Variants in SLC15A4 observed in about 807,000 individuals in gnomAD.
SLC15A4 encodes the protein hPHT1.
In SLC15A4, 26 loss-of-function variants were observed where a neutral mutation model predicts 46.1. The ratio of observed to expected loss-of-function variants is 0.56; its 90% CI spans 0.41 to 0.78. The LOEUF is 0.78. SLC15A4 is among the 30% of genes least tolerant of loss of function. SLC15A4 has a pLI of 0.00. For missense variants in SLC15A4, 751 were observed against 755.7 expected (o/e 0.99, Z 0.07); for synonymous variants, 370 against 333.4 (o/e 1.11, Z -1.20).
intron 2 of SLC15A4, among the ~76,000 whole-genome samples, chr12:128,811,203 AG>A (rs1379856818): frequency 2.6e-5 from 4 of 152,258 alleles, no homozygotes; most frequent in African/African-American, 9.6e-5. Flanking sequence ...CTCTAAAGCC[AG>A]AAGTACCAGG....
intron 7 of SLC15A4, among the ~76,000 whole-genome samples, chr12:128,796,991 T>A (rs952412604): frequency 6.6e-6 from 1 of 151,594 alleles, no homozygotes; most frequent in Middle Eastern, 3.2e-3. Flanking sequence ...TTACACAGGG[T>A]ATTCGGAAAC....
At chr12:128,819,918 A>T (rs575853156) in intron 1 of SLC15A4, 1 of 152,314 alleles carries the variant, frequency 6.6e-6, no homozygotes, top group African/African-American at 2.4e-5. Context: ...CAGGGCCCCA[A>T]ACCAGCTCCC....
At chr12:128,796,624 C>T (rs773210425) in intron 7 of SLC15A4, among the ~76,000 whole-genome samples, 2 of 152,134 alleles carry the variant, frequency 1.3e-5, no homozygotes, top group Non-Finnish European at 2.9e-5. Flanking sequence ...TTACACTATT[C>T]GTTCAACCCT....
chr12:128,799,049 G>A (rs1042618161), intron 7 of SLC15A4, among the ~76,000 whole-genome samples: 2 of 152,174 alleles, frequency 1.3e-5, no homozygotes, highest in African/African-American at 4.8e-5. Context: ...GATGAGAAGA[G>A]AGGCCTGCTT....
At chr12:128,821,316 C>T (rs1192813348) in intron 1 of SLC15A4, among the ~76,000 whole-genome samples, 1 of 152,200 alleles carries the variant, frequency 6.6e-6, no homozygotes, top group South Asian at 2.1e-4. Flanking sequence ...CACCTCATGT[C>T]CCTAATGTCA....
intron 5 of SLC15A4, among the ~76,000 whole-genome samples, chr12:128,806,030 ATGG>A (rs919000375): frequency 1.2e-4 from 18 of 151,934 alleles, no homozygotes; most frequent in African/African-American, 4.3e-4. Flanking sequence ...TTAGCCGGGC[ATGG>A]TGGTGGGCAC....
Position 128,808,869 on chromosome 12 carries a change from T to C in SLC15A4, c.1177A>G (p.Arg393Gly). 6.2e-7 allele frequency: 1 copy of C among 1,614,124 alleles called. No homozygotes were observed. Among genetic ancestry groups the C allele is most frequent in the Non-Finnish European group, 8.5e-7 (1 of 1,179,984 alleles). ...LKDKLVDPIL[R>G]RHGLLPSSLK... is the part of the protein sequence containing the mutation. ...GAGGATGGGAGCAGGCCATGTCTTCTCAAAATGGGATCGACCAGTTTGTCC... is the reference window on the plus strand; with the variant it reads ...GAGGATGGGAGCAGGCCATGTCTTCCCAAAATGGGATCGACCAGTTTGTCC... The change falls in exon 5 of 8, where the codon AGA (arginine) becomes GGA (glycine). Residue 393 changes from arginine (R) to glycine (G), a missense_variant. Coordinates refer to ENST00000266771, the MANE Select transcript of SLC15A4 (RefSeq NM_145648.4).
intron 7 of SLC15A4, among the ~76,000 whole-genome samples, chr12:128,797,894 G>A (rs1489660487): frequency 6.6e-6 from 1 of 152,198 alleles, no homozygotes. Context: ...CAGCCAGGGG[G>A]CACAGCCTGG....
rs771022935 is a variant in SLC15A4 at position 128,808,778 on chromosome 12, T to C, written c.1258+10A>G. The C allele has an allele frequency of 1.9e-6, 3 of 1,613,696 alleles. No homozygotes were observed. The highest frequency in any genetic ancestry group is 1.3e-5 in the African/African-American group (1 of 74,938). On this transcript the variant is annotated intron_variant, in intron 5 of 7. Transcript: ENST00000266771. ...GGGCCTGAGGAGGAACGGAGCAGAA[T>C]GCCTCTTACCTGCAGCAAAGGCCGA... is the stretch of plus-strand genomic sequence containing the variant.
intron 1 of SLC15A4, chr12:128,815,311 A>AGACTTTTTCCAAGTATGTGGAAAAACTT: frequency 2.4e-6 from 1 of 418,480 alleles, no homozygotes; most frequent in South Asian, 3.2e-5. Context: ...CAAATGCTAG[A>AGACTTTTTCCAAGTATGTGGAAAAACTT]GAGTTTTTCC....
chr12:128,821,645 T>C (rs1198632408), intron 1 of SLC15A4, among the ~76,000 whole-genome samples: 1 of 152,158 alleles, frequency 6.6e-6, no homozygotes, highest in Non-Finnish European at 1.5e-5. Flanking sequence ...CCCAGCACTT[T>C]GGGAGGCCGA....
Position 128,794,308 on chromosome 12 carries a change from G to A in SLC15A4, c.1622C>T (p.Ala541Val), listed in dbSNP as rs773611433. The A allele has an allele frequency of 1.2e-6, 2 of 1,613,418 alleles. No homozygotes were observed. Among genetic ancestry groups the A allele is most frequent in the East Asian group, 4.5e-5 (2 of 44,884 alleles). The change falls in exon 8 of 8, where the codon GCT (alanine) becomes GTT (valine). Residue 541 changes from alanine to valine, a missense_variant. Coordinates refer to ENST00000266771, the MANE Select transcript of SLC15A4 (RefSeq NM_145648.4). ...AAGCAGGAGGGTAGCTCCTTGAATA[G>A]CAGCCAGAAGAAAAAAGTAATAGTT... Reference protein sequence around the residue: ...YLNYYFFLLAAIQGATLLLFL... With the variant: ...YLNYYFFLLAVIQGATLLLFL...
rs181489184 is a variant in SLC15A4 at position 128,797,766 on chromosome 12, C to T, written c.1573+1493G>A. On this transcript the variant is annotated intron_variant, in intron 7 of 7. Coordinates refer to ENST00000266771, the MANE Select transcript of SLC15A4 (RefSeq NM_145648.4). ...TTCAGGGAGAACTCTCTCTGAGGAG[C>T]GGGCTTCCTGTGGATTTCCCATGTC... Among the ~76,000 whole-genome samples, 9 of 152,324 alleles carry T rather than the reference C, an allele frequency of 5.9e-5. No homozygotes were observed. In the East Asian group the frequency reaches 7.7e-4, roughly 13 times the overall value.
At chr12:128,817,443 A>C (rs1037307898) in intron 1 of SLC15A4, among the ~76,000 whole-genome samples, 1 of 152,260 alleles carries the variant, frequency 6.6e-6, no homozygotes, top group Admixed American at 6.5e-5. Context: ...GCCAGTAAAC[A>C]TAGTATATAA....
chr12:128,811,142 C>G (rs1329992134), intron 2 of SLC15A4, among the ~76,000 whole-genome samples: 1 of 152,216 alleles, frequency 6.6e-6, no homozygotes, highest in Non-Finnish European at 1.5e-5. Context: ...TAATGGGGAA[C>G]GGGCTCCAAG....
At chr12:128,796,723 A>G (rs1390372453) in intron 7 of SLC15A4, among the ~76,000 whole-genome samples, 1 of 152,232 alleles carries the variant, frequency 6.6e-6, no homozygotes, top group Non-Finnish European at 1.5e-5. Context: ...CTGCTGTCCC[A>G]ACACTGGCAT....
At chr12:128,799,457 C>A in intron 6 of SLC15A4, 40 bp from the exon 7 acceptor site, 1 of 1,607,870 alleles carries the variant, frequency 6.2e-7, no homozygotes, top group Non-Finnish European at 8.5e-7. Context: ...GTGAAAGGGG[C>A]ACTTTAACAC....
At chr12:128,819,826 G>A (rs1955809939) in intron 1 of SLC15A4, 1 of 152,240 alleles carries the variant, frequency 6.6e-6, no homozygotes, top group African/African-American at 2.4e-5. Context: ...AGATAACCGA[G>A]CACCATTTCC....
chr12:128,818,016 A>G (rs572108824), intron 1 of SLC15A4, among the ~76,000 whole-genome samples: 127 of 152,294 alleles, frequency 8.3e-4, no homozygotes, highest in African/African-American at 3.0e-3. Flanking sequence ...AATTGTGTAC[A>G]GCATACCAAA....
Sources: gnomAD v4.1 joint callset for allele counts (sites outside exome capture counted in the v4.1 genomes callset) on GRCh38, gnomAD v4.1.1 for gene constraint, MANE v1.5 for transcripts, NCBI Gene and HGNC (gene_info 2026-07-23, HGNC 2026-07-21) for gene names.